Variants in NOS1 observed in about 807,000 individuals in gnomAD.
NOS1 encodes the protein NOS type I.
NOS1 carries 51 observed loss-of-function variants against 164.5 expected under a neutral mutation model. The ratio of observed to expected loss-of-function variants is 0.31; its 90% CI spans 0.25 to 0.39. The LOEUF (loss-of-function observed/expected upper bound fraction) is 0.39. Ranked by LOEUF, NOS1 falls within the 10% of genes least tolerant of loss-of-function variation. The probability of loss-of-function intolerance (pLI) is 1.00; values close to 1 mark genes in which losing one functional copy is unlikely to be tolerated. For synonymous variants in NOS1, 719 were observed against 745.8 expected (o/e 0.96, Z 0.59); for missense variants, 1,362 against 1,885.6 (o/e 0.72, Z 5.14).
At chr12:117,258,501 G>A in intron 15 of NOS1, 46 bp from the exon 16 acceptor site, 1 of 1,592,562 alleles carries the variant, frequency 6.3e-7, no homozygotes, top group African/African-American at 1.3e-5. Context: ...CTTAGTAAAT[G>A]GGAAATCAGG....
At chr12:117,247,257 C>T (rs1200952326) in intron 18 of NOS1, 91 bp downstream of exon 18, 1 of 1,128,470 alleles carries the variant, frequency 8.9e-7, no homozygotes, top group Admixed American at 2.6e-5. Flanking sequence ...AGGGTTCTCT[C>T]AAGTTTATTC....
intron 3 of NOS1, chr12:117,304,896 C>T (rs1235353146): frequency 1.8e-6 from 1 of 554,350 alleles, no homozygotes; most frequent in Admixed American, 6.3e-5. Flanking sequence ...TCAGACCTCA[C>T]TATTTCCTCC....
chr12:117,338,502 T>C, intron 1 of NOS1, among the ~76,000 whole-genome samples: 1 of 147,634 alleles, frequency 6.8e-6, no homozygotes, highest in Non-Finnish European at 1.5e-5. Context: ...TTAGGAGATA[T>C]ACCTAATGCT....
At chr12:117,218,358 T>C (rs1956644484) in intron 27 of NOS1, among the ~76,000 whole-genome samples, 194 bp from the exon 28 acceptor site, 1 of 152,102 alleles carries the variant, frequency 6.6e-6, no homozygotes, top group Admixed American at 6.6e-5. Context: ...CTCTGGGACG[T>C]GGGGCAACTG....
At chr12:117,338,783 T>C (rs1398727268) in intron 1 of NOS1, among the ~76,000 whole-genome samples, 1 of 152,112 alleles carries the variant, frequency 6.6e-6, no homozygotes, top group Non-Finnish European at 1.5e-5. Context: ...AGGAAACGGA[T>C]ATCAATGGTT....
intron 18 of NOS1, among the ~76,000 whole-genome samples, chr12:117,244,328 C>T (rs1035728870): frequency 5.9e-5 from 9 of 152,192 alleles, no homozygotes; most frequent in Admixed American, 3.3e-4. Flanking sequence ...ACTGCAGCCT[C>T]GACCTCCTCC....
chr12:117,337,481 T>G (rs1481580346), intron 1 of NOS1, among the ~76,000 whole-genome samples: 3 of 152,180 alleles, frequency 2.0e-5, no homozygotes, highest in African/African-American at 7.2e-5. Flanking sequence ...TGCATTATAT[T>G]GCCATTGGGC....
At position 117,331,782 on chromosome 12, in the gene NOS1, G is replaced by A. The variant is rs551125872; in HGVS notation, c.-420-293C>T. 9.7e-4 allele frequency among the ~76,000 whole-genome samples: 147 copies of A among 152,158 alleles called. 1 individual carries two copies. Among genetic ancestry groups the A allele is most frequent in the African/African-American group, 3.4e-3 (141 of 41,508 alleles). On this transcript the variant is annotated intron_variant, in intron 1 of 28. Transcript: ENST00000317775. ...GTCAGCCCCAGAAATCAAGTGACGAGAATCAAAAGACCTCTCTTATCTCTT... is the reference window on the plus strand; with the variant it reads ...GTCAGCCCCAGAAATCAAGTGACGAAAATCAAAAGACCTCTCTTATCTCTT...
chr12:117,337,197 G>C (rs1365029379), intron 1 of NOS1, among the ~76,000 whole-genome samples: 1 of 134,568 alleles, frequency 7.4e-6, no homozygotes, highest in Admixed American at 8.5e-5. Flanking sequence ...CTCACCGCAA[G>C]CTCTGCCTCC....
At chr12:117,328,046 C>T (rs1875341843) in intron 2 of NOS1, among the ~76,000 whole-genome samples, 1 of 152,096 alleles carries the variant, frequency 6.6e-6, no homozygotes, top group Non-Finnish European at 1.5e-5. Context: ...CAAGCAGTGC[C>T]TCAAACACGT....
At position 117,215,593 on chromosome 12, in the gene NOS1, C is replaced by T. The variant is rs569890339; in HGVS notation, c.4290-269G>A. Among the ~76,000 whole-genome samples, 11 of 152,140 alleles carry T rather than the reference C, an allele frequency of 7.2e-5. No homozygotes were observed. In the East Asian group the frequency reaches 7.8e-4, roughly 11 times the overall value. Reference sequence around the variant, plus strand: ...GATTACAGGTGCCTGCCACCACGCCCGGCTAATTTTTGTATTTTTAGTAGA... The same window carrying T: ...GATTACAGGTGCCTGCCACCACGCCTGGCTAATTTTTGTATTTTTAGTAGA... On this transcript the variant is annotated intron_variant, in intron 28 of 28. Transcript: ENST00000317775.
chr12:117,222,692 G>T (rs1242847136), intron 26 of NOS1, 23 bp downstream of exon 26: 2 of 1,611,694 alleles, frequency 1.2e-6, no homozygotes, highest in South Asian at 2.2e-5. Context: ...GGCTGGGCTA[G>T]GGGGTGGGCT....
intron 10 of NOS1, among the ~76,000 whole-genome samples, chr12:117,269,338 G>A (rs372369451): frequency 6.6e-6 from 1 of 152,056 alleles, no homozygotes; most frequent in East Asian, 1.9e-4. Context: ...TTGGAGGGTG[G>A]TACATAAGGG....
intron 1 of NOS1, among the ~76,000 whole-genome samples, chr12:117,339,569 C>T (rs1052098967): frequency 9.9e-5 from 15 of 152,198 alleles, no homozygotes; most frequent in Admixed American, 2.6e-4. Flanking sequence ...TAAACACATA[C>T]AAAACTCTTC....
chr12:117,274,316 A>G (rs1020401756), intron 9 of NOS1, among the ~76,000 whole-genome samples: 5 of 152,136 alleles, frequency 3.3e-5, no homozygotes, highest in Non-Finnish European at 7.4e-5. Flanking sequence ...AAAATAACAA[A>G]TGCTGGCAAG....
chr12:117,299,699 TC>T, intron 3 of NOS1, among the ~76,000 whole-genome samples: 1 of 151,004 alleles, frequency 6.6e-6, no homozygotes, highest in Non-Finnish European at 1.5e-5. Flanking sequence ...TCTCTCTCTC[TC>T]TCTTCTGTAA....
rs1271053362 is a variant in NOS1 at position 117,256,099 on chromosome 12, TG to T, written c.2531+2297del. 3.5e-6 allele frequency: 3 copies of T among 868,942 alleles called. No homozygotes were observed. In the African/African-American group the frequency reaches 5.3e-5, roughly 15 times the overall value. The allele number at this position is 868,942 out of a possible 1,614,324, so 53.8% of individuals were successfully genotyped here. On this transcript the variant is annotated intron_variant, in intron 16 of 28. Coordinates refer to ENST00000317775, the MANE Select transcript of NOS1 (RefSeq NM_000620.5). ...GAAGGAGGGGTGAGAGGGAACCTGC[TG>T]GGAGGCCATCTAGGATGGGGTGGGA...
At chr12:117,287,445 T>C (rs548457759) in intron 5 of NOS1, among the ~76,000 whole-genome samples, 149 of 152,158 alleles carry the variant, frequency 9.8e-4, no homozygotes, top group African/African-American at 3.4e-3. Flanking sequence ...TTCTTTCTTT[T>C]GTTTTTTTTT....
chr12:117,227,206 C>G (rs1035451109), intron 23 of NOS1, among the ~76,000 whole-genome samples: 2 of 152,086 alleles, frequency 1.3e-5, no homozygotes, highest in African/African-American at 4.8e-5. Context: ...TATTAGGGGG[C>G]GCCACTGTAA....
Sources: allele counts gnomAD v4.1 joint callset (sites outside exome capture counted in the v4.1 genomes callset), GRCh38; gene constraint gnomAD v4.1.1; transcripts MANE v1.5; gene names NCBI Gene and HGNC (gene_info 2026-07-23, HGNC 2026-07-21).